The following OPHN1 variants were observed in gnomAD, a reference collection of about 807,000 sequenced individuals.
OPHN1 encodes the protein oligophrenin-1.
OPHN1 carries 11 observed loss-of-function variants against 60.7 expected under a neutral mutation model. That is an observed-to-expected ratio of 0.18 (90% CI 0.11 to 0.30). The LOEUF (loss-of-function observed/expected upper bound fraction) is 0.30, where lower values mean the gene tolerates loss of function less well. Ranked by LOEUF, OPHN1 falls within the 10% of genes least tolerant of loss-of-function variation. The pLI is 1.00. For synonymous variants in OPHN1, 226 were observed against 222.6 expected (o/e 1.02, Z -0.14); for missense variants, 449 against 611.0 (o/e 0.73, Z 2.80).
chrX:68,183,006 G>GT (rs1473247376), intron 15 of OPHN1, among the ~76,000 whole-genome samples: 1 of 111,981 alleles, frequency 8.9e-6, no homozygotes, highest in Non-Finnish European at 1.9e-5. Context: ...GCTGACAACA[G>GT]TATCTGTTCC....
Position 68,178,032 on chromosome X carries a change from G to C in OPHN1, c.1276+14887C>G, listed in dbSNP as rs1218829332. Among the ~76,000 whole-genome samples the C allele has an allele frequency of 1.3e-4, 15 of 111,428 alleles. No homozygotes were observed. The Admixed American group carries it at 1.4e-3, about 11-fold the overall frequency. On this transcript the variant is annotated intron_variant, in intron 15 of 24. Coordinates refer to ENST00000355520, the MANE Select transcript of OPHN1 (RefSeq NM_002547.3). ...ATTTTAACATTAATACTTACATTTG[G>C]GAGAATTTTATTGATCTCTGATATA...
chrX:68,086,181 CAAA>C (rs779219029), intron 19 of OPHN1, among the ~76,000 whole-genome samples: 1 of 71,215 alleles, frequency 1.4e-5, no homozygotes, highest in Non-Finnish European at 2.7e-5. Context: ...ACTCTGTCTC[CAAA>C]AAAAAAAAAG....
In OPHN1 at chrX:68,047,032, G is replaced by T. The variant is rs946682044; in HGVS notation, c.*140C>A. ...ATGCTCCTTATTTTATGGCCTCCCA[G>T]AGAGAGTCTGAAAGTGCAAGGCTAG... On this transcript the variant is annotated 3_prime_UTR_variant, in exon 25 of 25. Transcript: ENST00000355520. 8.9e-6 allele frequency: 1 copy of T among 111,765 alleles called. No individual in the cohort carries two copies. Among genetic ancestry groups the T allele is most frequent in the African/African-American group, 3.3e-5 (1 of 30,730 alleles). The allele number at this position is 111,765 out of a possible 1,213,427, so 9.2% of individuals were successfully genotyped here.
At chrX:68,391,910 C>A (rs1018079011) in intron 2 of OPHN1, among the ~76,000 whole-genome samples, 2 of 111,636 alleles carry the variant, frequency 1.8e-5, no homozygotes, top group Non-Finnish European at 3.8e-5. Context: ...GGAACCAGCC[C>A]TGCCTACACC....
chrX:68,311,156 A>C (rs1400449874), intron 2 of OPHN1, among the ~76,000 whole-genome samples: 1 of 111,235 alleles, frequency 9.0e-6, no homozygotes, highest in Non-Finnish European at 1.9e-5. Flanking sequence ...GTCCCCAGCT[A>C]AGGTGGTTGG....
At chrX:68,368,460 G>GA (rs980583409) in intron 2 of OPHN1, among the ~76,000 whole-genome samples, 2 of 110,942 alleles carry the variant, frequency 1.8e-5, no homozygotes, top group African/African-American at 6.6e-5. Context: ...AGAATCACTT[G>GA]AGCCCAGGAG....
At chrX:68,319,954 G>A (rs1437601675) in intron 2 of OPHN1, among the ~76,000 whole-genome samples, 7 of 109,774 alleles carry the variant, frequency 6.4e-5, no homozygotes, top group African/African-American at 2.3e-4. Flanking sequence ...ACAGAAAACG[G>A]GCAACAGATA....
intron 11 of OPHN1, among the ~76,000 whole-genome samples, chrX:68,199,054 G>A (rs1211563726): frequency 1.8e-5 from 2 of 112,077 alleles, no homozygotes; most frequent in Non-Finnish European, 3.8e-5. Flanking sequence ...GAAATTATAC[G>A]CTTAAATGGC....
intron 5 of OPHN1, among the ~76,000 whole-genome samples, chrX:68,270,645 G>A (rs2077963543): frequency 9.5e-6 from 1 of 105,621 alleles, no homozygotes; most frequent in Non-Finnish European, 1.9e-5. Flanking sequence ...TGTAAATGAC[G>A]AGTTAATGGG....
chrX:68,297,395 T>C (rs2078100728), intron 3 of OPHN1, among the ~76,000 whole-genome samples: 1 of 111,430 alleles, frequency 9.0e-6, no homozygotes, highest in African/African-American at 3.3e-5. Context: ...GCCCATAATG[T>C]TAACTTTTAA....
At chrX:68,353,016 G>C (rs1022507504) in intron 2 of OPHN1, among the ~76,000 whole-genome samples, 12 of 109,289 alleles carry the variant, frequency 1.1e-4, no homozygotes, top group Non-Finnish European at 1.5e-4. Flanking sequence ...GCCAGGCGTG[G>C]TGGCTTGCAC....
At chrX:68,241,198 A>G (rs1181960190) in intron 5 of OPHN1, among the ~76,000 whole-genome samples, 1 of 111,758 alleles carries the variant, frequency 8.9e-6, no homozygotes, top group Non-Finnish European at 1.9e-5. Flanking sequence ...TGTGTATTCT[A>G]TGTAAATAAA....
At chrX:68,253,838 G>A (rs188218376) in intron 5 of OPHN1, among the ~76,000 whole-genome samples, 5 of 111,454 alleles carry the variant, frequency 4.5e-5, no homozygotes, top group Non-Finnish European at 9.4e-5. Flanking sequence ...AGTCTTGCCC[G>A]TAGATCAGAA....
intron 20 of OPHN1, 49 bp from the exon 21 acceptor site, chrX:68,064,226 C>T: frequency 1.7e-6 from 2 of 1,143,910 alleles, no homozygotes; most frequent in East Asian, 3.0e-5. Context: ...ACTTTTAAAA[C>T]CTTTTCATTT....
intron 14 of OPHN1, 24 bp downstream of exon 14, chrX:68,193,866 C>T: frequency 2.6e-6 from 3 of 1,168,270 alleles, no homozygotes; most frequent in Non-Finnish European, 3.5e-6. Context: ...TCAGACAATG[C>T]CAAGACTATG....
intron 3 of OPHN1, among the ~76,000 whole-genome samples, chrX:68,293,371 T>G (rs1434242299): frequency 8.9e-6 from 1 of 112,304 alleles, no homozygotes; most frequent in South Asian, 3.7e-4. Context: ...ATCAGGGGAC[T>G]GACAATGTTA....
At chrX:68,416,065 TATAGAGAGAGAGAG>T (rs1191372144) in intron 2 of OPHN1, among the ~76,000 whole-genome samples, 40 of 5,177 alleles carry the variant, frequency 7.7e-3, no homozygotes, top group African/African-American at 8.8e-3. Context: ...TATATATATA[TATAGAGAGAGAGAG>T]AGAGAGAGAG....
intron 2 of OPHN1, among the ~76,000 whole-genome samples, chrX:68,332,673 G>A (rs1252786452): frequency 9.0e-6 from 1 of 111,254 alleles, no homozygotes; most frequent in Non-Finnish European, 1.9e-5. Context: ...CTTTTTGGCA[G>A]AGCCTCTGCT....
intron 15 of OPHN1, among the ~76,000 whole-genome samples, chrX:68,141,975 C>A (rs1265453350): frequency 3.6e-5 from 4 of 110,277 alleles, no homozygotes; most frequent in Non-Finnish European, 5.7e-5. Context: ...GAGGCAAGAG[C>A]CAAGACGGAA....
Sources: gnomAD v4.1 joint callset for allele counts (sites outside exome capture counted in the v4.1 genomes callset) on GRCh38, gnomAD v4.1.1 for gene constraint, MANE v1.5 for transcripts, NCBI Gene and HGNC (gene_info 2026-07-23, HGNC 2026-07-21) for gene names.